C9orf43: variants seen among roughly 807,000 people sequenced by gnomAD.
C9orf43 encodes uncharacterized protein C9orf43.
In C9orf43, 45 loss-of-function variants were observed where a neutral mutation model predicts 59.1. That is an observed-to-expected ratio of 0.76 (90% CI 0.60 to 0.98). The LOEUF (loss-of-function observed/expected upper bound fraction) is 0.98. Among genes scored for constraint, C9orf43 ranks in the 50% least tolerant of loss-of-function variants. The pLI, the probability that C9orf43 is intolerant of heterozygous loss-of-function variation, is 0.00. For synonymous variants in C9orf43, 203 were observed against 196.8 expected (o/e 1.03, Z -0.26); for missense variants, 533 against 554.9 (o/e 0.96, Z 0.40).
intron 3 of C9orf43, among the ~76,000 whole-genome samples, chr9:113,417,046 G>A (rs1828386590): frequency 6.6e-6 from 1 of 152,068 alleles, no homozygotes; most frequent in Admixed American, 6.5e-5. Flanking sequence ...TTTTTCTTCA[G>A]TTCTTCTGAC....
At chr9:113,423,098 G>A (rs114744030) in intron 6 of C9orf43, among the ~76,000 whole-genome samples, 1,858 of 152,210 alleles carry the variant, frequency 0.012, 41 homozygotes, top group African/African-American at 0.042. Flanking sequence ...GTGAGTAAAC[G>A]AATGACCTTT....
chr9:113,424,421 T>C, intron 8 of C9orf43, 105 bp downstream of exon 8: 2 of 1,273,842 alleles, frequency 1.6e-6, no homozygotes, highest in Non-Finnish European at 2.2e-6. Context: ...CCCTTCTGCC[T>C]TTCCACTCTG....
chr9:113,429,344 T>C lies in C9orf43; in HGVS notation c.1344T>C (p.Thr448=), dbSNP rs745540958. 8.1e-6 allele frequency: 13 copies of C among 1,614,114 alleles called. No homozygotes were observed. The highest frequency in any genetic ancestry group is 1.7e-5 in the Admixed American group (1 of 60,024). Residue 448 remains threonine (T), a synonymous_variant, in exon 14 of 14, where the codon ACT becomes ACC. Transcript: ENST00000374165. ...AACTACTTAGGATTCTTCAGGACAC[T>C]GATGATGAGGATGAGGAGGACCAGT... ...ELKLLRILQD[T]DDEDEEDQSS...
At chr9:113,428,028 C>A in intron 11 of C9orf43, 119 bp from the exon 12 acceptor site, 1 of 922,394 alleles carries the variant, frequency 1.1e-6, no homozygotes, top group Non-Finnish European at 1.8e-6. Flanking sequence ...TACCTGCCAT[C>A]AAGGTCTTGT....
At chr9:113,420,089 A>G (rs1453091069) in intron 4 of C9orf43, among the ~76,000 whole-genome samples, 1 of 152,058 alleles carries the variant, frequency 6.6e-6, no homozygotes, top group African/African-American at 2.4e-5. Flanking sequence ...TAATAATAAC[A>G]ACAATAATAA....
At chr9:113,413,988 A>G (rs1489523105) in intron 3 of C9orf43, 94 bp downstream of exon 3, 7 of 1,371,490 alleles carry the variant, frequency 5.1e-6, no homozygotes, top group African/African-American at 2.9e-5. Context: ...AGAAAGCTAG[A>G]TTAAAAAGAA....
intron 13 of C9orf43, 79 bp downstream of exon 13, chr9:113,429,042 A>G: frequency 1.3e-6 from 2 of 1,503,182 alleles, no homozygotes; most frequent in Non-Finnish European, 1.9e-6. Context: ...AGGATAGTTT[A>G]CCTCCCTGAA....
At chr9:113,415,388 G>A (rs1445781165) in intron 3 of C9orf43, among the ~76,000 whole-genome samples, 6 of 152,162 alleles carry the variant, frequency 3.9e-5, no homozygotes, top group Non-Finnish European at 8.8e-5. Context: ...GAAATGAATT[G>A]TGTGCTTAAA....
intron 5 of C9orf43, among the ~76,000 whole-genome samples, chr9:113,421,741 AT>A (rs1173747426): frequency 6.6e-6 from 1 of 152,200 alleles, no homozygotes; most frequent in Non-Finnish European, 1.5e-5. Flanking sequence ...CTTAAGTGAC[AT>A]TTAGAGATGA....
At chr9:113,427,192 G>A (rs770295911) in intron 11 of C9orf43, among the ~76,000 whole-genome samples, 3 of 152,032 alleles carry the variant, frequency 2.0e-5, no homozygotes, top group Non-Finnish European at 4.4e-5. Context: ...TATTTGAGAC[G>A]GAGTTTCGCT....
At chr9:113,429,064 T>TAA in intron 13 of C9orf43, 101 bp downstream of exon 13, 1 of 1,482,910 alleles carries the variant, frequency 6.7e-7, no homozygotes, top group South Asian at 1.1e-5. Flanking sequence ...GCACAGTTCC[T>TAA]CTATCTCAGA....
rs749207190 is a variant in C9orf43, at chr9:113,424,240, T to C, written c.731T>C (p.Leu244Pro). ...KIKLAMMKKNLPLEKNRPDSV... is the reference protein window; with the variant it reads ...KIKLAMMKKNPPLEKNRPDSV... ...AAATTGGCCATGATGAAAAAGAATCTTCCCTTGGAAAAGAACCGACCTGAC... is the reference window on the plus strand; with the variant it reads ...AAATTGGCCATGATGAAAAAGAATCCTCCCTTGGAAAAGAACCGACCTGAC... Residue 244 changes from leucine to proline, a missense_variant, in exon 8 of 14, where the codon CTT becomes CCT. Coordinates refer to ENST00000374165, the MANE Select transcript of C9orf43 (RefSeq NM_001278629.2). 1 of 1,614,016 alleles carries C rather than the reference T, an allele frequency of 6.2e-7. No individual in the cohort carries two copies.
intron 3 of C9orf43, 46 bp from the exon 4 acceptor site, chr9:113,419,062 A>G (rs374168411): frequency 8.8e-6 from 13 of 1,482,208 alleles, no homozygotes; most frequent in African/African-American, 7.0e-5. Context: ...TATCATTCCA[A>G]TAAGTCTTTT....
At chr9:113,418,222 C>T (rs959664262) in intron 3 of C9orf43, among the ~76,000 whole-genome samples, 2 of 152,222 alleles carry the variant, frequency 1.3e-5, no homozygotes, top group African/African-American at 2.4e-5. Flanking sequence ...AGCAACTCCC[C>T]ATTCCCTCCT....
intron 1 of C9orf43, among the ~76,000 whole-genome samples, chr9:113,411,452 C>T (rs917824880): frequency 1.2e-4 from 18 of 152,124 alleles, no homozygotes; most frequent in African/African-American, 4.3e-4. Context: ...ACGCCCGCCA[C>T]CACGCCCGGC....
At chr9:113,424,133 G>T in intron 7 of C9orf43, 33 bp from the exon 8 acceptor site, 4 of 1,552,620 alleles carry the variant, frequency 2.6e-6, no homozygotes, top group Non-Finnish European at 3.5e-6. Flanking sequence ...AAGAGCTGTT[G>T]CTGACTGTCT....
Position 113,425,830 on chromosome 9 carries a change from G to C in C9orf43, c.1030+100G>C, listed in dbSNP as rs1226674129. 6 of 924,240 alleles carry C rather than the reference G, an allele frequency of 6.5e-6. No homozygotes were observed. In the African/African-American group the frequency reaches 8.1e-5, roughly 13 times the overall value. The allele number at this position is 924,240 out of a possible 1,614,324, so 57.3% of individuals were successfully genotyped here. On this transcript the variant is annotated intron_variant, in intron 11 of 13. Coordinates refer to ENST00000374165, the MANE Select transcript of C9orf43 (RefSeq NM_001278629.2). ...ACATGCTCTTGTCATTTTGAGACCT[G>C]CCTTTGTCAGGCACTCAGAGTTTCT...
intron 7 of C9orf43, 143 bp from the exon 8 acceptor site, chr9:113,424,023 G>T: frequency 1.2e-6 from 1 of 844,622 alleles, no homozygotes. Flanking sequence ...TCAGAAAAGT[G>T]TTACCAAATG....
chr9:113,416,312 C>T (rs1366371898), intron 3 of C9orf43, among the ~76,000 whole-genome samples: 2 of 152,252 alleles, frequency 1.3e-5, no homozygotes, highest in Non-Finnish European at 2.9e-5. Context: ...AGAACAGACT[C>T]AAACCTCCCA....
Sources: gnomAD v4.1 joint callset for allele counts (sites outside exome capture counted in the v4.1 genomes callset) on GRCh38, gnomAD v4.1.1 for gene constraint, MANE v1.5 for transcripts, NCBI Gene and HGNC (gene_info 2026-07-23, HGNC 2026-07-21) for gene names.